Variants in IKBKG observed in about 807,000 individuals in gnomAD.
The protein encoded by IKBKG is NF-kappa-B essential modulator.
In IKBKG, 2 loss-of-function variants were observed where a neutral mutation model predicts 13.7. That is an observed-to-expected ratio of 0.15 (90% CI 0.06 to 0.46). The LOEUF is 0.46. Among genes scored for constraint, IKBKG ranks in the 20% least tolerant of loss-of-function variants. The pLI, the probability that IKBKG is intolerant of heterozygous loss-of-function variation, is 0.98. For synonymous variants in IKBKG, 22 were observed against 64.4 expected, an observed-to-expected ratio of 0.34 and a Z score of 3.15; for missense variants, 53 against 150.3, an observed-to-expected ratio of 0.35 and a Z score of 3.39.
upstream of IKBKG, chrX:154,546,935 G>T: frequency 1.9e-6 from 1 of 514,977 alleles, no homozygotes; most frequent in Non-Finnish European, 2.7e-6. Context: ...AGGCGTGCGG[G>T]GCGGGGCCTC....
chrX:154,546,135 C>G (rs782089171), upstream of IKBKG: 1 of 1,210,525 alleles, frequency 8.3e-7, no homozygotes, highest in African/African-American at 1.7e-5. Context: ...GGGTCCGGCT[C>G]AGGGCCACCT....
chrX:154,553,733 A>G (rs1197966622), intron 2 of IKBKG, among the ~76,000 whole-genome samples: 2 of 112,984 alleles, frequency 1.8e-5, no homozygotes, highest in East Asian at 2.8e-4. Flanking sequence ...TGTTGTGACA[A>G]CTAACAATAT....
At chrX:154,542,728 G>A (rs2070552471), upstream of IKBKG, among the ~76,000 whole-genome samples, 1 of 111,961 alleles carries the variant, frequency 8.9e-6, no homozygotes, top group Non-Finnish European at 1.9e-5. Context: ...CCAACTCGGG[G>A]CTCCGGGCAT....
upstream of IKBKG, chrX:154,545,836 CAAAAAAA>C (rs781893284): frequency 3.9e-5 from 11 of 283,428 alleles, no homozygotes; most frequent in African/African-American, 2.9e-4. Flanking sequence ...ACTCCGTCTC[CAAAAAAA>C]AAAAAAAAAA....
chrX:154,550,461 G>A (rs1251204774), intron 1 of IKBKG, among the ~76,000 whole-genome samples: 1 of 102,033 alleles, frequency 9.8e-6, no homozygotes, highest in African/African-American at 3.6e-5. Context: ...AAATGAATGT[G>A]GAGTTTAGAA....
intron 1 of IKBKG, among the ~76,000 whole-genome samples, chrX:154,550,765 C>T (rs900839933): frequency 6.3e-5 from 7 of 110,931 alleles, no homozygotes; most frequent in Admixed American, 5.7e-4. Context: ...TTCGGCCTCC[C>T]GAGTAGCTGG....
At chrX:154,551,918 A>T (rs1393080848) in intron 1 of IKBKG, 70 bp from the exon 2 acceptor site, 2 of 817,010 alleles carry the variant, frequency 2.4e-6, no homozygotes, top group Non-Finnish European at 3.3e-6. Flanking sequence ...TAGCCCCAGA[A>T]CTCATAGGCT....
At chrX:154,547,496 C>T (rs782210256), upstream of IKBKG, 10 of 754,331 alleles carry the variant, frequency 1.3e-5, no homozygotes, top group South Asian at 6.8e-4. Flanking sequence ...CAGAGCCTGG[C>T]GGACTCAGAC....
chrX:154,548,090 G>T (rs2070806262), intron 1 of IKBKG: 3 of 754,812 alleles, frequency 4.0e-6, no homozygotes, highest in Non-Finnish European at 4.7e-6. Flanking sequence ...TGGCAGCTAG[G>T]TATCTGATTT....
Position 154,547,943 on chromosome X carries a change from CCCT to C in IKBKG, c.-16+207_-16+209del, listed in dbSNP as rs1428643682. On this transcript the variant is annotated intron_variant, in intron 1 of 9. Coordinates refer to ENST00000594239, the MANE Select transcript of IKBKG (RefSeq NM_001099857.5). ...GGCGAGCTGGACTGTTTCTACTCCTCCCTCCTCCTCCACTGCGGGGTCTGACCC... is the reference window on the plus strand; with the variant it reads ...GGCGAGCTGGACTGTTTCTACTCCTCCCTCCTCCACTGCGGGGTCTGACCC... The C allele has an allele frequency of 1.3e-5, 10 of 753,626 alleles. No homozygotes were observed. The East Asian group carries it at 9.0e-4, about 68-fold the overall frequency. The allele number at this position is 753,626 out of a possible 1,213,427, so 62.1% of individuals were successfully genotyped here. A position where few individuals can be genotyped will look rare whatever the true frequency, so the allele number is the denominator to read the frequency against.
upstream of IKBKG, among the ~76,000 whole-genome samples, chrX:154,543,869 ATTT>A (rs1306269568): frequency 4.8e-5 from 4 of 83,646 alleles, no homozygotes; most frequent in African/African-American, 4.4e-5. Context: ...AATTTTTGTT[ATTT>A]TTTTTTTTTT....
At chrX:154,542,911 T>C (rs961880020), upstream of IKBKG, among the ~76,000 whole-genome samples, 1 of 112,117 alleles carries the variant, frequency 8.9e-6, no homozygotes, top group Non-Finnish European at 1.9e-5. Context: ...ATAGGTCCCA[T>C]GAGGAGGGCA....
At chrX:154,551,263 A>G (rs1055688590) in intron 1 of IKBKG, among the ~76,000 whole-genome samples, 1 of 110,290 alleles carries the variant, frequency 9.1e-6, no homozygotes, top group Non-Finnish European at 1.9e-5. Flanking sequence ...TTTTAATCTC[A>G]CAGTTCTGGA....
chrX:154,548,240 G>T (rs919760130), intron 1 of IKBKG, among the ~76,000 whole-genome samples: 1 of 112,351 alleles, frequency 8.9e-6, no homozygotes, highest in Non-Finnish European at 1.9e-5. Context: ...GTGAGGGAGG[G>T]GAGCACAGTT....
At chrX:154,550,869 G>A (rs1488811424) in intron 1 of IKBKG, among the ~76,000 whole-genome samples, 1 of 108,730 alleles carries the variant, frequency 9.2e-6, no homozygotes, top group Non-Finnish European at 1.9e-5. Flanking sequence ...GGAGTGCAGT[G>A]GCGCGATCCC....
chrX:154,552,658 GGCGTGGTCTGTCTTGGGAAGGAAGGT>G (rs1345929115), intron 2 of IKBKG, among the ~76,000 whole-genome samples: 3 of 110,269 alleles, frequency 2.7e-5, no homozygotes, highest in Admixed American at 9.5e-5. Flanking sequence ...CTGGTAGAGG[GGCGTGGTCTGTCTTGGGAAGGAAGGT>G]GCGTGGCCCC....
At chrX:154,546,261 T>A (rs1183113176), upstream of IKBKG, 3 of 1,066,297 alleles carry the variant, frequency 2.8e-6, no homozygotes, top group African/African-American at 5.5e-5. Context: ...CACACCAGGG[T>A]GACACCTGAT....
chrX:154,543,182 G>T (rs1173290369), upstream of IKBKG, among the ~76,000 whole-genome samples: 2 of 112,317 alleles, frequency 1.8e-5, no homozygotes, highest in Non-Finnish European at 3.8e-5. Flanking sequence ...TCAGAGAGAG[G>T]ACCCCTTGTC....
intron 2 of IKBKG, among the ~76,000 whole-genome samples, chrX:154,552,890 G>A (rs933347885): frequency 2.7e-5 from 3 of 112,255 alleles, no homozygotes; most frequent in South Asian, 3.7e-4. Flanking sequence ...CGCCCTGGGC[G>A]TGATGGCACC....
Sources: gnomAD v4.1 joint callset for allele counts (sites outside exome capture counted in the v4.1 genomes callset) on GRCh38, gnomAD v4.1.1 for gene constraint, MANE v1.5 for transcripts, NCBI Gene and HGNC (gene_info 2026-07-23, HGNC 2026-07-21) for gene names.